The following KCNH2 variants were observed in gnomAD, a reference collection of about 807,000 sequenced individuals.
KCNH2 encodes potassium voltage-gated channel subfamily H member 2.
In KCNH2, 35 loss-of-function variants were observed where a neutral mutation model predicts 95.9. The observed-to-expected ratio is 0.37, with a 90% confidence interval of 0.28 to 0.48. KCNH2 has a LOEUF of 0.48. Among genes scored for constraint, KCNH2 ranks in the 20% least tolerant of loss-of-function variants. KCNH2 has a pLI of 0.99. For synonymous variants in KCNH2, 786 were observed against 754.7 expected, an observed-to-expected ratio of 1.04 and a Z score of -0.68; for missense variants, 1,274 against 1,702.9, an observed-to-expected ratio of 0.75 and a Z score of 4.43.
intron 10 of KCNH2, 25 bp from the exon 11 acceptor site, chr7:150,948,568 C>T: frequency 6.3e-7 from 1 of 1,591,990 alleles, no homozygotes; most frequent in Non-Finnish European, 8.6e-7. Context: ...AGTATCAGGG[C>T]CCTTTCAGTG....
intron 2 of KCNH2, among the ~76,000 whole-genome samples, chr7:150,965,169 T>G (rs11766022): frequency 0.22 from 33,525 of 151,822 alleles, 4,302 homozygotes; most frequent in East Asian, 0.44. Flanking sequence ...GCTCAGACCC[T>G]GACCCCACAG....
intron 1 of KCNH2, among the ~76,000 whole-genome samples, chr7:150,977,480 C>A (rs1377089512): frequency 6.6e-6 from 1 of 152,180 alleles, no homozygotes; most frequent in Non-Finnish European, 1.5e-5. Flanking sequence ...CGTACACACT[C>A]TTATGCCCTT....
At chr7:150,948,588 C>A (rs754474506) in intron 10 of KCNH2, 45 bp from the exon 11 acceptor site, 2 of 1,546,132 alleles carry the variant, frequency 1.3e-6, no homozygotes, top group Non-Finnish European at 1.8e-6. Flanking sequence ...GCTCTCCTGC[C>A]CCACCGGGGT....
chr7:150,976,612 C>T (rs1361915162), intron 1 of KCNH2, among the ~76,000 whole-genome samples: 1 of 152,132 alleles, frequency 6.6e-6, no homozygotes, highest in Non-Finnish European at 1.5e-5. Flanking sequence ...TCCTGGAATA[C>T]AGGGATGGGA....
At position 150,949,087 on chromosome 7, in the gene KCNH2, GGGGC is replaced by G. The variant is rs1390676549; in HGVS notation, c.2399-42_2399-39del. The G allele has an allele frequency of 1.4e-5, 22 of 1,586,290 alleles. No individual in the cohort carries two copies. The Middle Eastern group carries it at 2.5e-3, about 180-fold the overall frequency. ...GAGAGGACAGGGAGCTCAGCCCCGG[GGGGC>G]GGCATCCAGGCAGCAGGCACCTTCT... On this transcript the variant is annotated intron_variant, in intron 9 of 14. Coordinates refer to ENST00000262186, the MANE Select transcript of KCNH2 (RefSeq NM_000238.4).
rs758978727 is a variant in KCNH2 at position 150,977,876 on chromosome 7, G to T, written c.38C>A (p.Thr13Asn). The T allele has an allele frequency of 2.7e-5, 44 of 1,606,274 alleles. No homozygotes were observed. In the Admixed American group the frequency reaches 3.8e-4, roughly 14 times the overall value. ...VRRGHVAPQNTFLDTIIRKFE... is the reference protein window; with the variant it reads ...VRRGHVAPQNNFLDTIIRKFE... ...CTTGCGGATGATGGTGTCCAGGAAGGTGTTCTGCGGCGCGACGTGGCCCCT... is the reference window on the plus strand; with the variant it reads ...CTTGCGGATGATGGTGTCCAGGAAGTTGTTCTGCGGCGCGACGTGGCCCCT... Residue 13 changes from threonine to asparagine, a missense_variant, in exon 1 of 15, where the codon ACC (threonine) becomes AAC (asparagine). Coordinates refer to ENST00000262186, the MANE Select transcript of KCNH2 (RefSeq NM_000238.4).
chr7:150,967,825 T>C (rs1393861583), intron 2 of KCNH2, among the ~76,000 whole-genome samples: 1 of 152,236 alleles, frequency 6.6e-6, no homozygotes, highest in Non-Finnish European at 1.5e-5. Context: ...GAGAAGATAT[T>C]TGCAATATCT....
chr7:150,965,576 A>G (rs1258013961), intron 2 of KCNH2, among the ~76,000 whole-genome samples: 1 of 150,994 alleles, frequency 6.6e-6, no homozygotes, highest in Non-Finnish European at 1.5e-5. Flanking sequence ...CCTGCTCCCC[A>G]TGGCCCCCAC....
At chr7:150,976,209 G>C (rs1159652912) in intron 1 of KCNH2, among the ~76,000 whole-genome samples, 1 of 152,036 alleles carries the variant, frequency 6.6e-6, no homozygotes, top group Admixed American at 6.5e-5. Context: ...TGCAGCCCTA[G>C]GCAATCCTAC....
At chr7:150,967,020 C>T (rs1231085803) in intron 2 of KCNH2, among the ~76,000 whole-genome samples, 1 of 152,178 alleles carries the variant, frequency 6.6e-6, no homozygotes, top group African/African-American at 2.4e-5. Context: ...TGGCTCATGT[C>T]TGTAATCCAG....
rs1800881170 is a variant in KCNH2, at chr7:150,946,183, C to T, written c.3331-669G>A. Among the ~76,000 whole-genome samples, 1 of 152,002 alleles carries T rather than the reference C, an allele frequency of 6.6e-6. No individual in the cohort carries two copies. The highest frequency in any genetic ancestry group is 1.5e-5 in the Non-Finnish European group (1 of 67,988). On this transcript the variant is annotated intron_variant, in intron 14 of 14. Coordinates refer to ENST00000262186, the MANE Select transcript of KCNH2 (RefSeq NM_000238.4). This position sits in a 1 kb window ranked among gnomAD's most constrained non-coding sequence, Gnocchi z 6.5. The stretch of plus-strand genomic sequence containing the variant: ...GCCGCCTCTGGCAGCCAGAGGAGTC[C>T]CCACCATGGACGCGGAGGTTGACAC...
intron 5 of KCNH2, among the ~76,000 whole-genome samples, chr7:150,953,828 C>G (rs1801273325): frequency 6.6e-6 from 1 of 152,208 alleles, no homozygotes; most frequent in Admixed American, 6.5e-5. Context: ...CCAGCTGAAC[C>G]CAAGGCCTTG....
At position 150,948,396 on chromosome 7, in the gene KCNH2, GCCTCACCTTGTCCCCGCCCTCCCCCTT is replaced by G. The variant is rs769165484; in HGVS notation, c.2692+21_2692+47del. On this transcript the variant is annotated intron_variant, in intron 11 of 14. Transcript: ENST00000262186. Reference sequence around the variant, plus strand: ...GGCCCACCCCGCCTTCCAGCTCCCAGCCTCACCTTGTCCCCGCCCTCCCCCTTCCTCCCCTCCCCCGCCTCACCCTTG... The same window carrying G: ...GGCCCACCCCGCCTTCCAGCTCCCAGCCTCCCCTCCCCCGCCTCACCCTTG... 8.4e-6 allele frequency: 12 copies of G among 1,434,274 alleles called. No individual in the cohort carries two copies. Among genetic ancestry groups the G allele is most frequent in the Non-Finnish European group, 1.1e-5 (12 of 1,053,668 alleles). 88.8% of individuals were successfully genotyped at this position (1,434,274 alleles called of 1,614,324 possible). A position where few individuals can be genotyped will look rare whatever the true frequency, so the allele number is the denominator to read the frequency against.
At chr7:150,977,150 A>C (rs1375381816) in intron 1 of KCNH2, among the ~76,000 whole-genome samples, 1 of 152,128 alleles carries the variant, frequency 6.6e-6, no homozygotes, top group East Asian at 1.9e-4. Context: ...ATTAGGTGAC[A>C]GTCTCCAGGG....
chr7:150,959,757 GC>G lies in KCNH2; in HGVS notation c.308-22del, dbSNP rs534529439. ...GCTCCCTGCAGAGTGGGAGGACATAGCCCCCTTGGCACCCACTCAGTGGGCA... is the reference window on the plus strand; with the variant it reads ...GCTCCCTGCAGAGTGGGAGGACATAGCCCCTTGGCACCCACTCAGTGGGCA... On this transcript the variant is annotated intron_variant, in intron 2 of 14. Transcript: ENST00000262186. The G allele has an allele frequency of 6.5e-4, 1,044 of 1,613,982 alleles. 6 individuals carry two copies. The highest frequency in any genetic ancestry group is 5.7e-3 in the South Asian group (523 of 91,066).
chr7:150,974,619 A>ACCCC, intron 2 of KCNH2, 92 bp downstream of exon 2: 4 of 304,864 alleles, frequency 1.3e-5, no homozygotes, highest in South Asian at 6.4e-5. Context: ...CCGCCCCCAC[A>ACCCC]CCCCCACACC....
rs1337695438 is a variant in KCNH2 at position 150,950,526 on chromosome 7, A to T, written c.2146-106T>A. ...CCATGTCAGAGAAATCTCAACCTCC[A>T]GGCCTGGGAGATCTCGGAAGCATCA... On this transcript the variant is annotated intron_variant, in intron 8 of 14. Transcript: ENST00000262186. The T allele has an allele frequency of 3.5e-6, 5 of 1,411,634 alleles. No homozygotes were observed. The African/African-American group carries it at 7.1e-5, about 20-fold the overall frequency. 87.4% of individuals were successfully genotyped at this position (1,411,634 alleles called of 1,614,324 possible). A position where few individuals can be genotyped will look rare whatever the true frequency, so the allele number is the denominator to read the frequency against.
chr7:150,947,263 C>T (rs555860399), intron 13 of KCNH2, 65 bp downstream of exon 13: 1,547 of 1,381,204 alleles, frequency 1.1e-3, no homozygotes, highest in Non-Finnish European at 1.4e-3. Context: ...CTCTACCAGA[C>T]AACACCGCCA....
intron 2 of KCNH2, among the ~76,000 whole-genome samples, chr7:150,963,380 G>A (rs1473009922): frequency 1.3e-5 from 2 of 152,166 alleles, no homozygotes; most frequent in African/African-American, 2.4e-5. Context: ...GCAACACAGG[G>A]TGATCCTGCC....
Sources: gnomAD v4.1 joint callset for allele counts (sites outside exome capture counted in the v4.1 genomes callset) on GRCh38, gnomAD v4.1.1 for gene constraint, Gnocchi (gnomAD v3.1) non-coding constraint, MANE v1.5 for transcripts, NCBI Gene and HGNC (gene_info 2026-07-23, HGNC 2026-07-21) for gene names.